The following FAM163A variants were observed in gnomAD, a reference collection of about 807,000 sequenced individuals.
FAM163A encodes the protein protein FAM163A.
Under a neutral mutation model 12.0 loss-of-function variants are expected in FAM163A, and 7 were observed. The ratio of observed to expected loss-of-function variants is 0.58; its 90% CI spans 0.33 to 1.10. FAM163A has a LOEUF of 1.10. Ranked by LOEUF, FAM163A falls within the 50% of genes least tolerant of loss-of-function variation. The pLI is 0.03. For synonymous variants in FAM163A, 101 were observed against 91.0 expected, an observed-to-expected ratio of 1.11 and a Z score of -0.62; for missense variants, 202 against 218.6, an observed-to-expected ratio of 0.92 and a Z score of 0.48.
chr1:179,730,998 T>G, the FAM163A span, among the ~76,000 whole-genome samples: 40,457 of 152,032 alleles, frequency 0.27, 5,574 homozygotes, highest in South Asian at 0.4. Context: ...GGTACTTACT[T>G]TGGAATTTTT....
intron 1 of FAM163A, among the ~76,000 whole-genome samples, chr1:179,791,764 C>G (rs150823805): frequency 2.0e-5 from 3 of 152,184 alleles, no homozygotes; most frequent in African/African-American, 7.2e-5. Context: ...ATAGCAAGAT[C>G]TTGAGTTGAA....
chr1:179,755,593 G>T (rs1685910533), intron 1 of FAM163A, among the ~76,000 whole-genome samples: 1 of 152,152 alleles, frequency 6.6e-6, no homozygotes, highest in African/African-American at 2.4e-5. Flanking sequence ...GGCCTCAAAG[G>T]AATGAGGATT....
At chr1:179,732,229 C>T in the FAM163A span, among the ~76,000 whole-genome samples, 13 of 152,220 alleles carry the variant, frequency 8.5e-5, no homozygotes, top group African/African-American at 3.1e-4. Context: ...TCATTTACTA[C>T]ATTACCCCAT....
In FAM163A at chr1:179,814,065, C is replaced by G. The variant is rs1420641997; in HGVS notation, c.380C>G (p.Thr127Arg). The G allele has an allele frequency of 6.2e-7, 1 of 1,614,052 alleles. No individual in the cohort carries two copies. Among genetic ancestry groups the G allele is most frequent in the Admixed American group, 1.7e-5 (1 of 59,990 alleles). The change falls in exon 5 of 5, where the codon ACA becomes AGA. Residue 127 changes from threonine to arginine, a missense_variant. Thr to Arg is a moderately conservative substitution (Grantham distance 71). Coordinates refer to ENST00000341785, the MANE Select transcript of FAM163A (RefSeq NM_173509.3). ...GGCGAGAGGCTCTCCTTTGCTCCCA[C>G]ATACTACAAAGAGGGGGGACCCCCA... The part of the protein sequence containing the change: ...GGGERLSFAP[T>R]YYKEGGPPSL...
chr1:179,775,080 C>A (rs1265226264), intron 1 of FAM163A, among the ~76,000 whole-genome samples: 2 of 152,208 alleles, frequency 1.3e-5, no homozygotes, highest in African/African-American at 4.8e-5. Flanking sequence ...AAGCAGCCAG[C>A]AGCAGCTCAA....
chr1:179,756,823 A>C lies in FAM163A; in HGVS notation c.-136+13400A>C, dbSNP rs1398233031. 2.0e-5 allele frequency among the ~76,000 whole-genome samples: 3 copies of C among 152,144 alleles called. No individual in the cohort carries two copies. In the East Asian group the frequency reaches 5.8e-4, roughly 29 times the overall value. On this transcript the variant is annotated intron_variant, in intron 1 of 4. Coordinates refer to ENST00000341785, the MANE Select transcript of FAM163A (RefSeq NM_173509.3). The stretch of plus-strand genomic sequence containing the variant: ...GAAGTAGTGTCATGAATGGTTGAAG[A>C]GGAGAAAAGTTAGGGATAACAAGTT...
Position 179,814,294 on chromosome 1 carries a change from C to A in FAM163A, c.*105C>A. 11 of 1,434,252 alleles carry A rather than the reference C, an allele frequency of 7.7e-6. No homozygotes were observed. Among genetic ancestry groups the A allele is most frequent in the Non-Finnish European group, 1.0e-5 (11 of 1,072,544 alleles). The allele number at this position is 1,434,252 out of a possible 1,614,324, so 88.8% of individuals were successfully genotyped here. The stretch of plus-strand genomic sequence containing the variant: ...AGCCCCACATGGGTTGTTTCTGTTT[C>A]TTTGGCTTTTCTCGCTCCGCAGTGG... On this transcript the variant is annotated 3_prime_UTR_variant, in exon 5 of 5. Transcript: ENST00000341785.
the FAM163A span, among the ~76,000 whole-genome samples, chr1:179,733,788 G>T: frequency 2.0e-5 from 3 of 152,194 alleles, no homozygotes; most frequent in Non-Finnish European, 4.4e-5. Flanking sequence ...CATGCTGTTA[G>T]TAGAGAAACT....
At chr1:179,753,250 C>T (rs1685535445) in intron 1 of FAM163A, among the ~76,000 whole-genome samples, 1 of 152,124 alleles carries the variant, frequency 6.6e-6, no homozygotes, top group South Asian at 2.1e-4. Flanking sequence ...TTACATGAGG[C>T]ATCTAAAATA....
intron 1 of FAM163A, among the ~76,000 whole-genome samples, chr1:179,790,500 T>A (rs1262605816): frequency 6.6e-6 from 1 of 152,088 alleles, no homozygotes; most frequent in Non-Finnish European, 1.5e-5. Flanking sequence ...GAGCAGCCCC[T>A]CCAACCCACC....
rs189393291 is a variant in FAM163A, at chr1:179,787,646, C to G, written c.-135-20152C>G. 4.9e-3 allele frequency among the ~76,000 whole-genome samples: 749 copies of G among 152,286 alleles called. 7 individuals carry two copies. The highest frequency in any genetic ancestry group is 0.017 in the African/African-American group (720 of 41,558). On this transcript the variant is annotated intron_variant, in intron 1 of 4. Coordinates refer to ENST00000341785, the MANE Select transcript of FAM163A (RefSeq NM_173509.3). ...CTAGACACACCGCTCTACAGCTCCC[C>G]CAAAGTGCCAGCCTTTCTCCTGTCC...
chr1:179,791,232 G>T (rs2148249384), intron 1 of FAM163A, among the ~76,000 whole-genome samples: 1 of 152,302 alleles, frequency 6.6e-6, no homozygotes, highest in South Asian at 2.1e-4. Flanking sequence ...ACTGCCGACT[G>T]GGTCTAAGGA....
intron 1 of FAM163A, among the ~76,000 whole-genome samples, chr1:179,761,307 TAAG>T (rs1182752962): frequency 6.6e-6 from 1 of 152,230 alleles, no homozygotes; most frequent in Non-Finnish European, 1.5e-5. Flanking sequence ...ACTTTTATGA[TAAG>T]AAGCAAACAA....
At chr1:179,785,559 G>A (rs757505356) in intron 1 of FAM163A, among the ~76,000 whole-genome samples, 3 of 152,098 alleles carry the variant, frequency 2.0e-5, no homozygotes, top group African/African-American at 7.2e-5. Flanking sequence ...GGAGTGGGGA[G>A]GGGGTCATAA....
chr1:179,786,659 T>C (rs1571477993), intron 1 of FAM163A, among the ~76,000 whole-genome samples: 2 of 152,356 alleles, frequency 1.3e-5, no homozygotes, highest in Admixed American at 1.3e-4. Flanking sequence ...ACAAGTATTA[T>C]ACCCATTAAC....
chr1:179,739,595 C>A (rs1353745613), upstream of FAM163A, among the ~76,000 whole-genome samples: 2 of 152,046 alleles, frequency 1.3e-5, no homozygotes, highest in Non-Finnish European at 2.9e-5. Flanking sequence ...TTATATGTGG[C>A]CCAAGGCAAT....
intron 4 of FAM163A, 87 bp from the exon 5 acceptor site, chr1:179,813,692 G>A: frequency 6.8e-7 from 1 of 1,477,262 alleles, no homozygotes; most frequent in Non-Finnish European, 9.2e-7. Flanking sequence ...CATGGAGCAG[G>A]GGACAGGGGC....
chr1:179,767,486 C>G (rs10913883), intron 1 of FAM163A, among the ~76,000 whole-genome samples: 60,910 of 151,996 alleles, frequency 0.4, 12,999 homozygotes, highest in African/African-American at 0.51. Context: ...TGTCACTTCA[C>G]ATCCCCCCGC....
intron 1 of FAM163A, among the ~76,000 whole-genome samples, chr1:179,770,901 G>C (rs995452514): frequency 2.6e-5 from 4 of 152,152 alleles, no homozygotes; most frequent in Admixed American, 2.6e-4. Flanking sequence ...AAAGGAAAAA[G>C]TACAGAAATA....
Sources: allele counts gnomAD v4.1 joint callset (sites outside exome capture counted in the v4.1 genomes callset), GRCh38; gene constraint gnomAD v4.1.1; transcripts MANE v1.5; gene names NCBI Gene and HGNC (gene_info 2026-07-23, HGNC 2026-07-21).